CABLES1: variants seen among roughly 807,000 people sequenced by gnomAD.
CABLES1 encodes CDK5 and ABL1 enzyme substrate 1.
A neutral mutation model predicts 57.8 loss-of-function variants in CABLES1; 36 were observed. That is an observed-to-expected ratio of 0.62 (90% confidence interval 0.48 to 0.82). The LOEUF is 0.82. Ranked by LOEUF, CABLES1 falls within the 40% of genes least tolerant of loss-of-function variation. CABLES1 has a pLI of 0.00. For synonymous variants in CABLES1, 374 were observed against 363.0 expected (o/e 1.03, Z -0.35); for missense variants, 767 against 836.6 (o/e 0.92, Z 1.03).
intron 9 of CABLES1, among the ~76,000 whole-genome samples, chr18:23,255,546 C>T (rs2048142192): frequency 6.6e-6 from 1 of 151,050 alleles, no homozygotes; most frequent in Non-Finnish European, 1.5e-5. Context: ...CAGACATCTG[C>T]TGAACTAATG....
chr18:23,148,136 C>G (rs1393503710), intron 1 of CABLES1, among the ~76,000 whole-genome samples: 1 of 151,920 alleles, frequency 6.6e-6, no homozygotes, highest in Non-Finnish European at 1.5e-5. Context: ...ACTACAGGCG[C>G]CCGCCACCAT....
At chr18:23,238,307 G>A (rs1484007093) in intron 7 of CABLES1, among the ~76,000 whole-genome samples, 2 of 152,236 alleles carry the variant, frequency 1.3e-5, no homozygotes, top group Admixed American at 6.5e-5. Context: ...GGCAGAACTT[G>A]GGGCCTTGCC....
Position 23,257,678 on chromosome 18 carries a change from A to C in CABLES1, c.*311A>C. On this transcript the variant is annotated 3_prime_UTR_variant, in exon 10 of 10. Transcript: ENST00000256925. ...CAGTCTTTCTCCCCGGCATTCACAA[A>C]CTTTGCAAGCGTGGTCCAGGGCCTT... 3.7e-6 allele frequency: 1 copy of C among 266,682 alleles called. No individual in the cohort carries two copies. The highest frequency in any genetic ancestry group is 6.9e-6 in the Non-Finnish European group (1 of 144,790). The allele number at this position is 266,682 out of a possible 1,614,324, so 16.5% of individuals were successfully genotyped here.
chr18:23,193,020 G>A (rs950430109), intron 2 of CABLES1, among the ~76,000 whole-genome samples: 3 of 152,060 alleles, frequency 2.0e-5, no homozygotes, highest in African/African-American at 7.2e-5. Context: ...CAGCCTGGGC[G>A]ACAGAGCAAG....
At chr18:23,236,770 G>C (rs1568080729) in intron 6 of CABLES1, among the ~76,000 whole-genome samples, 1 of 152,148 alleles carries the variant, frequency 6.6e-6, no homozygotes, top group South Asian at 2.1e-4. Flanking sequence ...TGCTGCACAG[G>C]CGTCTCCAAA....
In CABLES1 at chr18:23,135,895, G is replaced by A; in HGVS notation, c.133G>A (p.Ala45Thr). The change falls in exon 1 of 10, where the codon GCC becomes ACC. Residue 45 changes from alanine (A) to threonine (T), a missense_variant. By Grantham distance (58) the Ala-to-Thr change is moderately conservative (BLOSUM62 0). Transcript: ENST00000256925. ...GCCTCAGCCCGCGGCCGCCGCGCCG[G>A]CCCAGCCGCCGCCCGAACCCCCCCG... ...PQPQPAAAAP[A>T]QPPPEPPRKP... The A allele has an allele frequency of 9.4e-7, 1 of 1,065,880 alleles. No homozygotes were observed. Among genetic ancestry groups the A allele is most frequent in the Non-Finnish European group, 1.1e-6 (1 of 886,080 alleles). The allele number at this position is 1,065,880 out of a possible 1,614,324, so 66.0% of individuals were successfully genotyped here. A position where few individuals can be genotyped will look rare whatever the true frequency, so the allele number is the denominator to read the frequency against.
At chr18:23,166,963 G>GT (rs2047047242) in intron 1 of CABLES1, among the ~76,000 whole-genome samples, 1 of 152,136 alleles carries the variant, frequency 6.6e-6, no homozygotes, top group Non-Finnish European at 1.5e-5. Context: ...AGGAGGAAGG[G>GT]TGGCATTTCC....
chr18:23,241,299 G>A (rs941262682), intron 7 of CABLES1, among the ~76,000 whole-genome samples: 1 of 151,950 alleles, frequency 6.6e-6, no homozygotes, highest in African/African-American at 2.4e-5. Flanking sequence ...AGGTGGGTAA[G>A]GTGGGGGGAT....
At chr18:23,173,043 C>T (rs2047094252) in intron 1 of CABLES1, among the ~76,000 whole-genome samples, 2 of 152,180 alleles carry the variant, frequency 1.3e-5, no homozygotes, top group South Asian at 4.1e-4. Flanking sequence ...ATGGAAGTCT[C>T]AGAGCTCCAA....
At chr18:23,219,250 CTCTG>C (rs1446318359) in intron 4 of CABLES1, 8 of 454,018 alleles carry the variant, frequency 1.8e-5, no homozygotes, top group Non-Finnish European at 4.4e-6. Flanking sequence ...CCCTCTGGTC[CTCTG>C]TCTGAGTAGG....
At chr18:23,147,349 G>A (rs773712384) in intron 1 of CABLES1, among the ~76,000 whole-genome samples, 7 of 152,246 alleles carry the variant, frequency 4.6e-5, no homozygotes, top group Non-Finnish European at 8.8e-5. Flanking sequence ...TGAACCTCAC[G>A]TTCTCACCTG....
At chr18:23,234,768 AG>A in intron 5 of CABLES1, 64 bp downstream of exon 5, 3 of 1,297,420 alleles carry the variant, frequency 2.3e-6, no homozygotes, top group South Asian at 1.3e-5. Context: ...GAAGCAGAGG[AG>A]GGGGGCAGCC....
At chr18:23,177,418 TACACACACAC>T (rs10692529) in intron 1 of CABLES1, among the ~76,000 whole-genome samples, 30 of 144,736 alleles carry the variant, frequency 2.1e-4, no homozygotes, top group South Asian at 7.0e-4. Flanking sequence ...AGCACATGTG[TACACACACAC>T]ACACACACAC....
upstream of CABLES1, among the ~76,000 whole-genome samples, chr18:23,135,186 C>T (rs1011334288): frequency 2.0e-5 from 3 of 152,246 alleles, no homozygotes; most frequent in African/African-American, 7.2e-5. Context: ...ACGTGCTCGC[C>T]TCCCGCACCT....
In CABLES1 at chr18:23,216,762, G is replaced by A. The variant is rs186984930; in HGVS notation, c.1088+2708G>A. ...CAGACCATCTCCACTGGACATCCTT[G>A]TGGATATGCGTGGCCCTCCACTCTT... On this transcript the variant is annotated intron_variant, in intron 4 of 9. Coordinates refer to ENST00000256925, the MANE Select transcript of CABLES1 (RefSeq NM_001100619.3). 2.2e-4 allele frequency among the ~76,000 whole-genome samples: 34 copies of A among 152,320 alleles called. 1 individual carries two copies. The East Asian group carries it at 4.6e-3, about 21-fold the overall frequency.
At chr18:23,245,299 G>A (rs572533696) in intron 7 of CABLES1, among the ~76,000 whole-genome samples, 4 of 152,282 alleles carry the variant, frequency 2.6e-5, no homozygotes, top group Admixed American at 2.6e-4. Context: ...CTTGAGGTCA[G>A]GAGTTGGAGA....
At chr18:23,229,025 A>G (rs2047548207) in intron 4 of CABLES1, among the ~76,000 whole-genome samples, 1 of 152,254 alleles carries the variant, frequency 6.6e-6, no homozygotes, top group Admixed American at 6.5e-5. Flanking sequence ...TAAAAGCTGC[A>G]ACATTTTAAC....
chr18:23,190,669 A>G (rs1469640159), intron 2 of CABLES1: 1 of 152,258 alleles, frequency 6.6e-6, no homozygotes, highest in Non-Finnish European at 1.5e-5. Flanking sequence ...CAGCGTTCAC[A>G]GAATACTGCA....
At chr18:23,203,138 G>C (rs1568066015) in intron 3 of CABLES1, among the ~76,000 whole-genome samples, 1 of 152,126 alleles carries the variant, frequency 6.6e-6, no homozygotes, top group Non-Finnish European at 1.5e-5. Flanking sequence ...CAGAGCCCTC[G>C]TTTCATGTGG....
Sources: allele counts gnomAD v4.1 joint callset (sites outside exome capture counted in the v4.1 genomes callset), GRCh38; gene constraint gnomAD v4.1.1; transcripts MANE v1.5; gene names NCBI Gene and HGNC (gene_info 2026-07-23, HGNC 2026-07-21).